TNS1: variants seen among roughly 807,000 people sequenced by gnomAD.
TNS1 encodes tensin-1.
A neutral mutation model predicts 168.6 loss-of-function variants in TNS1; 62 were observed. The ratio of observed to expected loss-of-function variants is 0.37; its 90% CI spans 0.30 to 0.45. The LOEUF is 0.45. Among genes scored for constraint, TNS1 ranks in the 20% least tolerant of loss-of-function variants. The pLI is 1.00. For missense variants in TNS1, 2,240 were observed against 2,339.4 expected (o/e 0.96, Z 0.88); for synonymous variants, 934 against 933.2 (o/e 1.00, Z -0.02).
At chr2:217,946,201 A>G (rs1040076194) in intron 3 of TNS1, among the ~76,000 whole-genome samples, 3 of 152,176 alleles carry the variant, frequency 2.0e-5, no homozygotes, top group African/African-American at 7.2e-5. Context: ...TTCAGAAGCC[A>G]TCCTCCCTGG....
At chr2:217,881,084 G>A in intron 17 of TNS1, 70 bp from the exon 18 acceptor site, 1 of 1,099,984 alleles carries the variant, frequency 9.1e-7, no homozygotes, top group Non-Finnish European at 1.4e-6. Context: ...TCAGCAGCTG[G>A]AAAAACAGAG....
Position 217,848,263 on chromosome 2 carries a change from G to A in TNS1, c.2254C>T (p.Pro752Ser), listed in dbSNP as rs144830902. The A allele has an allele frequency of 3.9e-6, 6 of 1,551,634 alleles. No homozygotes were observed. The African/African-American group carries it at 6.8e-5, about 18-fold the overall frequency. The change falls in exon 19 of 33, where the codon CCC becomes TCC. Residue 752 changes from proline (P) to serine (S), a missense_variant. Physicochemically the swap from Pro to Ser is moderately conservative, Grantham distance 74 (BLOSUM62 -1). Transcript: ENST00000682258. ...FRSQSFSEAE[P>S]QLPPAPVRGG... ...CGGACCGGAGCTGGGGGCAGCTGGG[G>A]TTCAGCTTCCGAAAAGGATTGAGAG... is the stretch of plus-strand genomic sequence containing the variant.
chr2:217,865,270 G>A (rs889617730), intron 18 of TNS1, among the ~76,000 whole-genome samples: 1 of 152,202 alleles, frequency 6.6e-6, no homozygotes, highest in African/African-American at 2.4e-5. Context: ...CCCCAAATAA[G>A]CCCATCTAGG....
chr2:218,029,078 C>CA (rs1405728051), intron 1 of TNS1, among the ~76,000 whole-genome samples: 1 of 152,222 alleles, frequency 6.6e-6, no homozygotes, highest in East Asian at 1.9e-4. Flanking sequence ...TCTTCAGCCT[C>CA]ACGCCCTCCT....
chr2:217,977,388 C>A (rs751373419), intron 3 of TNS1, among the ~76,000 whole-genome samples: 1 of 152,224 alleles, frequency 6.6e-6, no homozygotes, highest in Non-Finnish European at 1.5e-5. Flanking sequence ...CTCTGCATCT[C>A]TGCAAGGGGA....
chr2:217,872,895 C>T (rs910903237), intron 18 of TNS1, among the ~76,000 whole-genome samples: 3 of 152,120 alleles, frequency 2.0e-5, no homozygotes, highest in Non-Finnish European at 4.4e-5. Context: ...CATGTTACAA[C>T]GTGAATGAAA....
At chr2:217,825,974 C>T (rs1943560880) in intron 22 of TNS1, among the ~76,000 whole-genome samples, 1 of 152,170 alleles carries the variant, frequency 6.6e-6, no homozygotes, top group Non-Finnish European at 1.5e-5. Flanking sequence ...ATTCTGACCA[C>T]AATGTTGGAA....
chr2:217,942,331 C>T (rs530579358), intron 3 of TNS1, among the ~76,000 whole-genome samples: 21 of 152,312 alleles, frequency 1.4e-4, no homozygotes, highest in African/African-American at 5.1e-4. Flanking sequence ...CTCTCCAAAT[C>T]CCTGCCCTCC....
At chr2:217,919,408 C>A (rs904830630) in intron 4 of TNS1, among the ~76,000 whole-genome samples, 1 of 152,260 alleles carries the variant, frequency 6.6e-6, no homozygotes, top group Non-Finnish European at 1.5e-5. Context: ...CGCAAGGTGT[C>A]CTTCCGGGAC....
At chr2:217,860,056 A>G (rs1255069365) in intron 18 of TNS1, among the ~76,000 whole-genome samples, 1 of 152,052 alleles carries the variant, frequency 6.6e-6, no homozygotes, top group Non-Finnish European at 1.5e-5. Context: ...GCAACCCCAA[A>G]ATGCTTCCAC....
In TNS1 at chr2:217,986,293, C is replaced by G. The variant is rs1958190604; in HGVS notation, c.148+4649G>C. ...AGGTTTCCCCAAATCCAGTGGGTGC[C>G]GGCTTCTGCACAGGCTTGTCCTGTT... On this transcript the variant is annotated intron_variant, in intron 2 of 32. Coordinates refer to ENST00000682258, the MANE Select transcript of TNS1 (RefSeq NM_001387777.1). This position sits in a 1 kb window ranked among gnomAD's most constrained non-coding sequence, Gnocchi z 4.7. Among the ~76,000 whole-genome samples, 1 of 152,186 alleles carries G rather than the reference C, an allele frequency of 6.6e-6. No homozygotes were observed.
intron 18 of TNS1, among the ~76,000 whole-genome samples, chr2:217,863,618 A>T (rs1311142462): frequency 6.6e-6 from 1 of 152,130 alleles, no homozygotes; most frequent in Non-Finnish European, 1.5e-5. Context: ...CTGGGCCACT[A>T]CTTCACTGCT....
intron 3 of TNS1, among the ~76,000 whole-genome samples, chr2:217,933,887 T>C (rs966968304): frequency 1.6e-4 from 25 of 152,206 alleles, no homozygotes; most frequent in Admixed American, 1.5e-3. Flanking sequence ...CTGAACATTA[T>C]GGGGTGGAAG....
intron 3 of TNS1, among the ~76,000 whole-genome samples, chr2:217,929,739 G>GC (rs1402197024): frequency 3.4e-5 from 5 of 147,722 alleles, no homozygotes; most frequent in African/African-American, 7.5e-5. Context: ...CAAGCCAGAG[G>GC]CCCATGTGTC....
chr2:217,981,342 G>A (rs1409937224), intron 2 of TNS1, among the ~76,000 whole-genome samples: 5 of 152,328 alleles, frequency 3.3e-5, no homozygotes, highest in South Asian at 2.1e-4. Flanking sequence ...GTGCTCTCTC[G>A]GGTAGGCACC....
At position 217,848,475 on chromosome 2, in the gene TNS1, C is replaced by G; in HGVS notation, c.2042G>C (p.Gly681Ala). The change falls in exon 19 of 33, where the codon GGA becomes GCA. Residue 681 changes from glycine to alanine, a missense_variant. Around this residue, in one of 2 missense-constraint regions of TNS1, gnomAD observed 2,131 missense variants for 2,171.2 expected, o/e 0.98. Transcript: ENST00000682258. The stretch of plus-strand genomic sequence containing the variant: ...GGCAGACTCGTAGGGGTAGCCTCCT[C>G]CATTGACCATAGGCTCCATGGGGTA... ...KSYPMEPMVN[G>A]GGYPYESASR... 1 of 1,613,326 alleles carries G rather than the reference C, an allele frequency of 6.2e-7. No individual in the cohort carries two copies. The highest frequency in any genetic ancestry group is 8.5e-7 in the Non-Finnish European group (1 of 1,179,480).
At chr2:217,816,099 C>A (rs1351248314) in intron 24 of TNS1, among the ~76,000 whole-genome samples, 1 of 152,166 alleles carries the variant, frequency 6.6e-6, no homozygotes, top group Non-Finnish European at 1.5e-5. Flanking sequence ...AGGAGGAATT[C>A]AGGGATGAGA....
At chr2:217,816,459 G>A (rs1358523032) in intron 24 of TNS1, among the ~76,000 whole-genome samples, 1 of 152,164 alleles carries the variant, frequency 6.6e-6, no homozygotes, top group Non-Finnish European at 1.5e-5. Flanking sequence ...CTCCGGGCGA[G>A]TGTGAGGGGA....
intron 1 of TNS1, among the ~76,000 whole-genome samples, chr2:218,001,737 C>G (rs1032945992): frequency 2.6e-5 from 4 of 152,170 alleles, no homozygotes; most frequent in African/African-American, 4.8e-5. Context: ...CCCCCTCCCC[C>G]ACCCTTTCTT....
Sources: gnomAD v4.1 joint callset for allele counts (sites outside exome capture counted in the v4.1 genomes callset) on GRCh38, gnomAD v4.1.1 for gene constraint, gnomAD v4.1.1 regional missense constraint, Gnocchi (gnomAD v3.1) non-coding constraint, MANE v1.5 for transcripts, NCBI Gene and HGNC (gene_info 2026-07-23, HGNC 2026-07-21) for gene names.